IRAK1BP1: variants seen among roughly 807,000 people sequenced by gnomAD.
IRAK1BP1 encodes the protein interleukin 1 receptor associated kinase 1 binding protein 1, also known as interleukin-1 receptor-associated kinase 1-binding protein 1.
In IRAK1BP1, 24 loss-of-function variants were observed where a neutral mutation model predicts 28.0. That is an observed-to-expected ratio of 0.86 (90% confidence interval 0.62 to 1.20). The LOEUF (loss-of-function observed/expected upper bound fraction) is 1.20. IRAK1BP1 is among the 50% of genes most tolerant of loss of function. IRAK1BP1 has a pLI of 0.00. For missense variants in IRAK1BP1, 336 were observed against 316.7 expected, an observed-to-expected ratio of 1.06 and a Z score of -0.46; for synonymous variants, 131 against 116.3, an observed-to-expected ratio of 1.13 and a Z score of -0.81.
Position 78,930,488 on chromosome 6 carries a change from T to C in IRAK1BP1, c.*68-14920T>C, listed in dbSNP as rs1412189531. On this transcript the variant is annotated intron_variant and NMD_transcript_variant, in intron 4 of 4. Coordinates refer to the IRAK1BP1 transcript ENST00000606868. ...CTATATATATTAATGAGATTTGCTG[T>C]TCTACAAAAATACTTGCATATTATA... is the stretch of plus-strand genomic sequence containing the variant. 3.9e-5 allele frequency among the ~76,000 whole-genome samples: 6 copies of C among 152,182 alleles called. No homozygotes were observed. In the East Asian group the frequency reaches 1.2e-3, roughly 29 times the overall value.
At chr6:78,910,036 A>G (rs1772363366) in intron 4 of IRAK1BP1, among the ~76,000 whole-genome samples, 1 of 152,234 alleles carries the variant, frequency 6.6e-6, no homozygotes, top group East Asian at 1.9e-4. Context: ...TCTGAAAGGC[A>G]GGCCTTGACA....
downstream of IRAK1BP1, among the ~76,000 whole-genome samples, chr6:78,947,949 A>G (rs577576905): frequency 3.1e-5 from 4 of 128,812 alleles, no homozygotes; most frequent in Admixed American, 3.2e-4. Context: ...TTTATTTCAT[A>G]CTCCCCCCCC....
rs1457866133 is a variant in IRAK1BP1 at position 78,898,432 on chromosome 6, A to ATATATATATATATATATATATATATAT, written c.*111_*112insATATATATATATATTATATATATATAT. On this transcript the variant is annotated 3_prime_UTR_variant, in exon 4 of 4. Transcript: ENST00000369940. ...CCTGAATATATATATATATATATAT[A>ATATATATATATATATATATATATATAT]TATATATATATATGGTATAGGAGAT... The ATATATATATATATATATATATATATAT allele has an allele frequency of 6.0e-6, 1 of 165,302 alleles. No homozygotes were observed. Among genetic ancestry groups the ATATATATATATATATATATATATATAT allele is most frequent in the Non-Finnish European group, 1.2e-5 (1 of 84,104 alleles). The allele number at this position is 165,302 out of a possible 1,614,324, so 10.2% of individuals were successfully genotyped here. A position where few individuals can be genotyped will look rare whatever the true frequency, so the allele number is the denominator to read the frequency against.
At chr6:78,935,601 G>A (rs1773248249) in intron 4 of IRAK1BP1, 3 of 976,986 alleles carry the variant, frequency 3.1e-6, no homozygotes, top group South Asian at 4.7e-5. Context: ...TTTATTAAAT[G>A]TACACATAAA....
chr6:78,893,412 A>G (rs1473311402), intron 2 of IRAK1BP1, among the ~76,000 whole-genome samples: 1 of 150,258 alleles, frequency 6.7e-6, no homozygotes, highest in Non-Finnish European at 1.5e-5. Context: ...GACCAATTAA[A>G]GACCTTTCCA....
chr6:78,972,219 C>T, the IRAK1BP1 span, among the ~76,000 whole-genome samples: 3 of 152,280 alleles, frequency 2.0e-5, no homozygotes, highest in East Asian at 1.9e-4. Context: ...GGTCCCTGAC[C>T]CCTGACCCCT....
At chr6:78,887,861 C>G (rs1383345637) in intron 2 of IRAK1BP1, among the ~76,000 whole-genome samples, 1 of 152,046 alleles carries the variant, frequency 6.6e-6, no homozygotes, top group Non-Finnish European at 1.5e-5. Flanking sequence ...GGGTGTATAT[C>G]CAAAAGAACT....
chr6:78,970,737 T>C, the IRAK1BP1 span: 95 of 1,249,736 alleles, frequency 7.6e-5, no homozygotes, highest in Admixed American at 1.4e-4. Context: ...CCAAATTCCA[T>C]AATTGTATTT....
At chr6:78,966,101 T>C in the IRAK1BP1 span, 2 of 1,132,898 alleles carry the variant, frequency 1.8e-6, no homozygotes, top group Non-Finnish European at 2.7e-6. Context: ...AATGCATGGC[T>C]GCTGTCACTG....
chr6:78,949,295 GA>G (rs1774005076), downstream of IRAK1BP1, among the ~76,000 whole-genome samples: 1 of 152,118 alleles, frequency 6.6e-6, no homozygotes, highest in South Asian at 2.1e-4. Flanking sequence ...ACAGACCTGG[GA>G]AAAGATTGCC....
the IRAK1BP1 span, among the ~76,000 whole-genome samples, chr6:78,965,539 C>A: frequency 2.6e-5 from 4 of 152,164 alleles, no homozygotes; most frequent in African/African-American, 9.7e-5. Flanking sequence ...TTCTTCACTG[C>A]TGAATCTCCC....
intron 2 of IRAK1BP1, among the ~76,000 whole-genome samples, chr6:78,893,278 A>C (rs1441500968): frequency 9.8e-6 from 1 of 102,024 alleles, no homozygotes. Flanking sequence ...AGGTGTATAT[A>C]TATGTGTGTA....
the IRAK1BP1 span, among the ~76,000 whole-genome samples, chr6:78,971,045 C>A: frequency 6.6e-6 from 1 of 152,132 alleles, no homozygotes; most frequent in Non-Finnish European, 1.5e-5. Flanking sequence ...GTTGTCTTAA[C>A]ATCACTAAAT....
At chr6:78,868,870 A>G (rs966798083) in intron 1 of IRAK1BP1, among the ~76,000 whole-genome samples, 15 of 152,210 alleles carry the variant, frequency 9.9e-5, no homozygotes, top group African/African-American at 3.4e-4. Flanking sequence ...CAGAGATGTA[A>G]CTTATCCAGG....
the IRAK1BP1 span, among the ~76,000 whole-genome samples, chr6:78,966,363 T>C: frequency 2.0e-5 from 3 of 152,236 alleles, no homozygotes; most frequent in Admixed American, 1.3e-4. Context: ...TCATTAACAC[T>C]ATACCCAAAC....
chr6:78,955,283 C>T, the IRAK1BP1 span: 1 of 1,604,558 alleles, frequency 6.2e-7, no homozygotes, highest in Non-Finnish European at 8.5e-7. Context: ...TCTCTTCATC[C>T]TTTGAGGCAA....
intron 4 of IRAK1BP1, among the ~76,000 whole-genome samples, chr6:78,923,451 C>T (rs565837967): frequency 6.6e-6 from 1 of 152,288 alleles, no homozygotes; most frequent in Admixed American, 6.5e-5. Context: ...GAGACTTTGA[C>T]TCCCACACAA....
intron 1 of IRAK1BP1, among the ~76,000 whole-genome samples, chr6:78,883,273 A>G (rs1276032390): frequency 1.3e-5 from 2 of 152,152 alleles, no homozygotes; most frequent in African/African-American, 4.8e-5. Context: ...AGTAGTTAAG[A>G]ACAAAATGTA....
intron 4 of IRAK1BP1, among the ~76,000 whole-genome samples, chr6:78,914,152 C>T (rs1772497084): frequency 6.6e-6 from 1 of 151,904 alleles, no homozygotes; most frequent in South Asian, 2.1e-4. Context: ...TAACTCACTA[C>T]TAGGTAATCT....
Sources: allele counts gnomAD v4.1 joint callset (sites outside exome capture counted in the v4.1 genomes callset), GRCh38; gene constraint gnomAD v4.1.1; transcripts MANE v1.5; gene names NCBI Gene and HGNC (gene_info 2026-07-23, HGNC 2026-07-21).